Variants in CTPS1 observed in about 807,000 individuals in gnomAD.
CTPS1 encodes the protein CTP synthase 1.
A neutral mutation model predicts 80.5 loss-of-function variants in CTPS1; 25 were observed. The ratio of observed to expected loss-of-function variants is 0.31; its 90% CI spans 0.23 to 0.43. The LOEUF is 0.43. Ranked by LOEUF, CTPS1 falls within the 20% of genes least tolerant of loss-of-function variation. The probability of loss-of-function intolerance (pLI) is 1.00; values close to 1 mark genes in which losing one functional copy is unlikely to be tolerated. For synonymous variants in CTPS1, 267 were observed against 252.5 expected (o/e 1.06, Z -0.54); for missense variants, 442 against 725.7 (o/e 0.61, Z 4.49).
chr1:41,008,762 G>T, intron 15 of CTPS1, 32 bp from the exon 16 acceptor site: 1 of 1,613,580 alleles, frequency 6.2e-7, no homozygotes, highest in Non-Finnish European at 8.5e-7. Context: ...TGAGCTGAGA[G>T]ACCAGCAGAA....
In CTPS1 at chr1:40,987,355, T is replaced by G. The variant is rs756711000; in HGVS notation, c.338-17T>G. The G allele has an allele frequency of 4.4e-6, 7 of 1,588,742 alleles. No homozygotes were observed. The African/African-American group carries it at 9.4e-5, about 21-fold the overall frequency. On this transcript the variant is annotated splice_polypyrimidine_tract_variant and intron_variant, in intron 3 of 18. Transcript: ENST00000650070. ...GATGGACAAGCGTAAGTTCCCTGTT[T>G]GTTTTCTTTTTCCCAGTTGTCCCTC...
At chr1:41,010,308 G>A (rs535451140) in intron 18 of CTPS1, 54 bp downstream of exon 18, 12 of 1,250,326 alleles carry the variant, frequency 9.6e-6, no homozygotes, top group Middle Eastern at 1.9e-4. Context: ...AACACACTGC[G>A]ATTGCAAGAA....
intron 9 of CTPS1, among the ~76,000 whole-genome samples, chr1:40,999,270 T>C (rs1642838674): frequency 6.6e-6 from 1 of 152,086 alleles, no homozygotes; most frequent in Non-Finnish European, 1.5e-5. Context: ...AAATTGTGAA[T>C]TGGAGGCTGT....
intron 17 of CTPS1, 79 bp from the exon 18 acceptor site, chr1:41,010,082 A>G (rs963061358): frequency 1.1e-6 from 1 of 897,372 alleles, no homozygotes; most frequent in African/African-American, 1.7e-5. Context: ...GTGTCCCTGT[A>G]GGAACCGTGG....
intron 3 of CTPS1, among the ~76,000 whole-genome samples, chr1:40,987,082 A>C (rs999982768): frequency 2.0e-5 from 3 of 152,156 alleles, no homozygotes; most frequent in Admixed American, 1.3e-4. Flanking sequence ...GTGTGTGGCC[A>C]AAAGGGTAGA....
chr1:41,001,998 T>A (rs1642915490), intron 10 of CTPS1, among the ~76,000 whole-genome samples, 162 bp from the exon 11 acceptor site: 1 of 152,224 alleles, frequency 6.6e-6, no homozygotes, highest in Non-Finnish European at 1.5e-5. Context: ...TCATATGCAG[T>A]TTCTAAGTTG....
intron 5 of CTPS1, among the ~76,000 whole-genome samples, 154 bp from the exon 6 acceptor site, chr1:40,991,011 C>T (rs138824927): frequency 5.0e-4 from 76 of 152,300 alleles, no homozygotes; most frequent in African/African-American, 1.7e-3. Flanking sequence ...TTCTAAAATG[C>T]ATGCATGTGT....
chr1:41,008,615 C>T, intron 14 of CTPS1, 44 bp from the exon 15 acceptor site: 2 of 1,597,388 alleles, frequency 1.3e-6, no homozygotes, highest in Non-Finnish European at 1.7e-6. Flanking sequence ...ACGCATCATC[C>T]TGTGAGATAA....
Position 40,979,703 on chromosome 1 carries a change from C to T in CTPS1, c.-140C>T, listed in dbSNP as rs1651760421. 6.6e-6 allele frequency: 1 copy of T among 152,590 alleles called. No homozygotes were observed. Among genetic ancestry groups the T allele is most frequent in the African/African-American group, 2.4e-5 (1 of 41,470 alleles). 9.5% of individuals were successfully genotyped at this position (152,590 alleles called of 1,614,324 possible). A position where few individuals can be genotyped will look rare whatever the true frequency, so the allele number is the denominator to read the frequency against. On this transcript the variant is annotated 5_prime_UTR_variant, in exon 1 of 19. Transcript: ENST00000650070. ...CCTCCAACCTCTGCGTGCGCACAGCCTAGAGCCCGCCTCCGTGAAAGACTG... is the reference window on the plus strand; with the variant it reads ...CCTCCAACCTCTGCGTGCGCACAGCTTAGAGCCCGCCTCCGTGAAAGACTG...
chr1:41,001,433 A>AT (rs887749014), intron 10 of CTPS1: 9 of 276,824 alleles, frequency 3.3e-5, no homozygotes, highest in South Asian at 1.0e-4. Context: ...GGCAGCTGTT[A>AT]TTTATAATAG....
intron 13 of CTPS1, among the ~76,000 whole-genome samples, chr1:41,006,468 A>G (rs1281146810): frequency 2.0e-5 from 3 of 152,098 alleles, no homozygotes; most frequent in South Asian, 2.1e-4. Context: ...TTTCATATGT[A>G]TATTTTATAT....
intron 1 of CTPS1, chr1:40,981,241 G>C (rs935348195): frequency 3.3e-5 from 5 of 152,226 alleles, no homozygotes; most frequent in African/African-American, 1.2e-4. Flanking sequence ...TAAGTCAGTA[G>C]CCCATAAGGA....
At chr1:40,996,936 T>TGA (rs1334430081) in intron 8 of CTPS1, among the ~76,000 whole-genome samples, 1 of 152,122 alleles carries the variant, frequency 6.6e-6, no homozygotes, top group African/African-American at 2.4e-5. Flanking sequence ...GTCTTTGGTA[T>TGA]GAAAAAAATT....
intron 3 of CTPS1, among the ~76,000 whole-genome samples, chr1:40,986,399 G>C (rs1334717262): frequency 6.6e-6 from 1 of 152,248 alleles, no homozygotes; most frequent in South Asian, 2.1e-4. Flanking sequence ...GTCAGAGAGC[G>C]GGGGTGGTAG....
chr1:41,004,451 C>G lies in CTPS1; in HGVS notation c.1252+1275C>G, dbSNP rs571260064. Among the ~76,000 whole-genome samples, 3 of 152,308 alleles carry G rather than the reference C, an allele frequency of 2.0e-5. No homozygotes were observed. In the East Asian group the frequency reaches 5.8e-4, roughly 29 times the overall value. On this transcript the variant is annotated intron_variant, in intron 12 of 18. Transcript: ENST00000650070. ...TGTCTTATCACCCGCCACCCCAGAG[C>G]TGGCTTTCTGGTCTCCCTGGATCCT...
rs1055106160 is a variant in CTPS1 at position 40,979,764 on chromosome 1, C to G, written c.-79C>G. The G allele has an allele frequency of 2.0e-5, 3 of 152,262 alleles. No homozygotes were observed. The highest frequency in any genetic ancestry group is 7.2e-5 in the African/African-American group (3 of 41,448). The allele number at this position is 152,262 out of a possible 1,614,324, so 9.4% of individuals were successfully genotyped here. On this transcript the variant is annotated 5_prime_UTR_variant, in exon 1 of 19. Coordinates refer to ENST00000650070, the MANE Select transcript of CTPS1 (RefSeq NM_001905.4). ...GCGGTCGGGGTTGTTCACTGGCTGT[C>G]CGGGGCTCCGCGCGCGTCGCCGGCC...
chr1:40,995,598 C>T (rs1456958977), intron 7 of CTPS1, among the ~76,000 whole-genome samples: 2 of 152,064 alleles, frequency 1.3e-5, no homozygotes, highest in Non-Finnish European at 2.9e-5. Context: ...AGTGTTTTAC[C>T]ATATTGCCCA....
At chr1:40,988,359 G>T in intron 4 of CTPS1, 5 of 331,628 alleles carry the variant, frequency 1.5e-5, no homozygotes, top group Non-Finnish European at 2.2e-5. Context: ...TTCTTGAAAT[G>T]ATGTGGAAAG....
Position 40,995,994 on chromosome 1 carries a change from T to G in CTPS1, c.798T>G (p.Phe266Leu). 1 of 1,614,196 alleles carries G rather than the reference T, an allele frequency of 6.2e-7. No individual in the cohort carries two copies. The highest frequency in any genetic ancestry group is 8.5e-7 in the Non-Finnish European group (1 of 1,180,024). Reference sequence around the variant, plus strand: ...AGGAGCAAGGGGTTGTAGATTATTTTCTTCGAAGACTTGACCTTCCTATTG... The same window carrying G: ...AGGAGCAAGGGGTTGTAGATTATTTGCTTCGAAGACTTGACCTTCCTATTG... ...LLEEQGVVDY[F>L]LRRLDLPIER... Residue 266 changes from phenylalanine to leucine, a missense_variant, in exon 8 of 19, where the codon TTT becomes TTG. Transcript: ENST00000650070.
Sources: gnomAD v4.1 joint callset for allele counts (sites outside exome capture counted in the v4.1 genomes callset) on GRCh38, gnomAD v4.1.1 for gene constraint, MANE v1.5 for transcripts, NCBI Gene and HGNC (gene_info 2026-07-23, HGNC 2026-07-21) for gene names.